Variants in ANKK1 observed in about 807,000 individuals in gnomAD.
ANKK1 encodes the protein ankyrin repeat and protein kinase domain-containing protein 1.
Under a neutral mutation model 37.6 loss-of-function variants are expected in ANKK1, and 37 were observed. The observed-to-expected ratio is 0.98, with a 90% CI of 0.76 to 1.29. The LOEUF (loss-of-function observed/expected upper bound fraction) is 1.29. ANKK1 is among the 50% of genes most tolerant of loss of function. The probability of loss-of-function intolerance (pLI) is 0.00; values close to 1 mark genes in which losing one functional copy is unlikely to be tolerated. For synonymous variants in ANKK1, 415 were observed against 418.7 expected (o/e 0.99, Z 0.11); for missense variants, 1,019 against 990.6 (o/e 1.03, Z -0.39).
chr11:113,399,903 T>C lies in ANKK1; in HGVS notation c.1934T>C (p.Leu645Pro). The change falls in exon 8 of 8, where the codon CTG becomes CCG. Residue 645 changes from leucine to proline, a missense_variant. By Grantham distance (98) the Leu-to-Pro change is moderately conservative. Coordinates refer to ENST00000303941, the MANE Select transcript of ANKK1 (RefSeq NM_178510.2). Reference sequence around the variant, plus strand: ...GGGGAGGAGGCGGTGGTGTCAGCACTGCTGCAGTGTGGGGCTGACCCCAAT... The same window carrying C: ...GGGGAGGAGGCGGTGGTGTCAGCACCGCTGCAGTGTGGGGCTGACCCCAAT... ...RHGEEAVVSA[L>P]LQCGADPNAA... 1 of 1,613,498 alleles carries C rather than the reference T, an allele frequency of 6.2e-7. No homozygotes were observed. Among genetic ancestry groups the C allele is most frequent in the Non-Finnish European group, 8.5e-7 (1 of 1,179,872 alleles).
rs371374955 is a variant in ANKK1, at chr11:113,400,088, A to G, written c.2119A>G (p.Ile707Val). Reference sequence around the variant, plus strand: ...GGCCGCCCTCAAGGGCAACACAGCCATCCTCAAAGTGCTGGTCGAGGCAGG... The same window carrying G: ...GGCCGCCCTCAAGGGCAACACAGCCGTCCTCAAAGTGCTGGTCGAGGCAGG... ...HLAALKGNTA[I>V]LKVLVEAGAQ... is the part of the protein sequence containing the mutation. Residue 707 changes from isoleucine to valine, a missense_variant, in exon 8 of 8, where the codon ATC (isoleucine) becomes GTC (valine). Transcript: ENST00000303941. 10 of 1,613,476 alleles carry G rather than the reference A, an allele frequency of 6.2e-6. No homozygotes were observed. In the Admixed American group the frequency reaches 6.7e-5, roughly 11 times the overall value.
rs114634738 is a variant in ANKK1 at position 113,390,250 on chromosome 11, G to T, written c.185+2181G>T. 5.0e-3 allele frequency among the ~76,000 whole-genome samples: 767 copies of T among 152,300 alleles called. 6 individuals are homozygous for T. Among genetic ancestry groups the T allele is most frequent in the African/African-American group, 0.018 (743 of 41,550 alleles). On this transcript the variant is annotated intron_variant, in intron 1 of 7. Transcript: ENST00000303941. ...GGTGTTCAATAAATATTTATTGAAT[G>T]GCAGTGTTGACAATTAATGGAGAGA...
intron 1 of ANKK1, among the ~76,000 whole-genome samples, chr11:113,389,050 C>A (rs1388238729): frequency 6.6e-6 from 1 of 152,186 alleles, no homozygotes; most frequent in South Asian, 2.1e-4. Flanking sequence ...GGCCTTCCCC[C>A]ACCTTATGAG....
intron 7 of ANKK1, among the ~76,000 whole-genome samples, chr11:113,398,427 C>T (rs1312418413): frequency 6.6e-6 from 1 of 151,488 alleles, no homozygotes; most frequent in Admixed American, 6.6e-5. Flanking sequence ...AATTCTCATA[C>T]TCCACTGGGT....
chr11:113,389,240 A>G (rs1255134793), intron 1 of ANKK1, among the ~76,000 whole-genome samples: 1 of 152,070 alleles, frequency 6.6e-6, no homozygotes, highest in Admixed American at 6.5e-5. Flanking sequence ...ATTGATGCTA[A>G]CTCCTGCCAC....
At chr11:113,393,907 G>GT in intron 2 of ANKK1, 132 bp downstream of exon 2, 1 of 1,143,146 alleles carries the variant, frequency 8.7e-7, no homozygotes, top group Non-Finnish European at 1.2e-6. Context: ...TCTAAAGGCA[G>GT]GGATCACACT....
At position 113,399,621 on chromosome 11, in the gene ANKK1, C is replaced by G; in HGVS notation, c.1652C>G (p.Ala551Gly). 2 of 1,606,486 alleles carry G rather than the reference C, an allele frequency of 1.2e-6. No individual in the cohort carries two copies. Among genetic ancestry groups the G allele is most frequent in the Non-Finnish European group, 1.7e-6 (2 of 1,176,638 alleles). Reference protein sequence around the residue: ...RAIQHLLKSGAVPDALDQSGY... With the variant: ...RAIQHLLKSGGVPDALDQSGY... ...ATCCAACACCTGCTGAAGAGTGGAG[C>G]GGTCCCTGATGCCCTTGACCAGAGC... The change falls in exon 8 of 8, where the codon GCG becomes GGG. Residue 551 changes from alanine (A) to glycine (G), a missense_variant. Physicochemically the swap from Ala to Gly is moderately conservative, Grantham distance 60. Transcript: ENST00000303941.
intron 1 of ANKK1, among the ~76,000 whole-genome samples, chr11:113,392,598 A>G (rs1950596447): frequency 6.6e-6 from 1 of 152,232 alleles, no homozygotes; most frequent in Admixed American, 6.5e-5. Flanking sequence ...CTGCAATCCC[A>G]AAATAATCTA....
chr11:113,399,385 CTT>C lies in ANKK1; in HGVS notation c.1418_1419del (p.Phe473Ter), dbSNP rs773796958. The C allele has an allele frequency of 2.5e-6, 4 of 1,601,348 alleles. No homozygotes were observed. Among genetic ancestry groups the C allele is most frequent in the Admixed American group, 3.4e-5 (2 of 58,524 alleles). ...CTCTTCACCTGGCTGCACAGAATAACTTTGAGAATGTGGCACGGCTTCTGGTC... is the reference window on the plus strand; with the variant it reads ...CTCTTCACCTGGCTGCACAGAATAACTGAGAATGTGGCACGGCTTCTGGTC... The part of the protein sequence containing the change: ...TPLHLAAQNN[F>X]ENVARLLVSR... On this transcript the variant is annotated frameshift_variant, in exon 8 of 8. Coordinates refer to ENST00000303941, the MANE Select transcript of ANKK1 (RefSeq NM_178510.2). LOFTEE classifies it low-confidence loss of function (END_TRUNC).
At chr11:113,393,330 A>C (rs571960455) in intron 1 of ANKK1, 151 bp from the exon 2 acceptor site, 120 of 762,152 alleles carry the variant, frequency 1.6e-4, no homozygotes, top group Non-Finnish European at 2.1e-4. Context: ...GTATTGCTTC[A>C]TGTCTCTCTT....
In ANKK1 at chr11:113,396,236, G is replaced by T; in HGVS notation, c.838+14G>T. On this transcript the variant is annotated intron_variant, in intron 5 of 7. Coordinates refer to ENST00000303941, the MANE Select transcript of ANKK1 (RefSeq NM_178510.2). ...CATGCTTTCTAGGTGCTTATCCAGT[G>T]CCCCCTACCCAGGGACTGGGAGCTG... 1 of 1,612,960 alleles carries T rather than the reference G, an allele frequency of 6.2e-7. No homozygotes were observed. Among genetic ancestry groups the T allele is most frequent in the Non-Finnish European group, 8.5e-7 (1 of 1,179,256 alleles).
rs748183613 is a variant in ANKK1, at chr11:113,387,945, T to C, written c.61T>C (p.Phe21Leu). The C allele has an allele frequency of 1.3e-6, 2 of 1,573,662 alleles. No homozygotes were observed. Among genetic ancestry groups the C allele is most frequent in the East Asian group, 2.3e-5 (1 of 42,860 alleles). Residue 21 changes from phenylalanine to leucine, a missense_variant, in exon 1 of 8, where the codon TTC (phenylalanine) becomes CTC (leucine). By Grantham distance (22) the Phe-to-Leu change is conservative. Coordinates refer to ENST00000303941, the MANE Select transcript of ANKK1 (RefSeq NM_178510.2). ...CCTCCCCGTCTTCACCCGCGACGAC[T>C]TCGAGGGCGACTGGCGCCTAGTGGC... ...GSLPVFTRDD[F>L]EGDWRLVASG...
intron 4 of ANKK1, 89 bp downstream of exon 4, chr11:113,395,497 G>C (rs1020588183): frequency 4.7e-5 from 67 of 1,427,024 alleles, no homozygotes; most frequent in South Asian, 3.7e-4. Flanking sequence ...TGAGGGTTGG[G>C]GGGGGTCAAG....
intron 6 of ANKK1, 24 bp downstream of exon 6, chr11:113,397,366 C>A: frequency 1.3e-6 from 2 of 1,590,938 alleles, no homozygotes; most frequent in South Asian, 1.1e-5. Flanking sequence ...CTGGGCAGTC[C>A]TTATGGTCAT....
In ANKK1 at chr11:113,393,891, A is replaced by G. The variant is rs912449475; in HGVS notation, c.480+116A>G. On this transcript the variant is annotated intron_variant, in intron 2 of 7. Transcript: ENST00000303941. ...GGGTTTTAAGCAGTTCCCTTCATGG[A>G]CAAATTCTAAAGGCAGGGATCACAC... is the stretch of plus-strand genomic sequence containing the variant. 6 of 1,249,490 alleles carry G rather than the reference A, an allele frequency of 4.8e-6. No homozygotes were observed. The Admixed American group carries it at 1.7e-4, about 35-fold the overall frequency. 77.4% of individuals were successfully genotyped at this position (1,249,490 alleles called of 1,614,324 possible).
At chr11:113,396,451 C>T (rs75698063) in intron 5 of ANKK1, among the ~76,000 whole-genome samples, 8,254 of 151,790 alleles carry the variant, frequency 0.054, 311 homozygotes, top group South Asian at 0.1. Flanking sequence ...GATATCCTCC[C>T]GCCTCAGCCT....
intron 3 of ANKK1, 25 bp downstream of exon 3, chr11:113,395,105 C>A: frequency 6.3e-7 from 1 of 1,577,266 alleles, no homozygotes; most frequent in Non-Finnish European, 8.6e-7. Flanking sequence ...TGGCGTGATG[C>A]CACACACCCA....
In ANKK1 at chr11:113,399,828, G is replaced by A; in HGVS notation, c.1859G>A (p.Gly620Asp). ...CTGGCAGAGAGCCACGCAAACATGG[G>A]TGCTCTTGGAGCTGTGAACTGGACT... Reference protein sequence around the residue: ...HLLAESHANMGALGAVNWTPL... With the variant: ...HLLAESHANMDALGAVNWTPL... The change falls in exon 8 of 8, where the codon GGT (glycine) becomes GAT (aspartate). Residue 620 changes from glycine to aspartate, a missense_variant. Coordinates refer to ENST00000303941, the MANE Select transcript of ANKK1 (RefSeq NM_178510.2). 2 of 1,608,502 alleles carry A rather than the reference G, an allele frequency of 1.2e-6. No homozygotes were observed. The highest frequency in any genetic ancestry group is 2.2e-5 in the South Asian group (2 of 90,290).
In ANKK1 at chr11:113,400,408, T is replaced by A; in HGVS notation, c.*141T>A. ...CCTGTCTCTGCTAAAAATACAAAAT[T>A]TAGCTGGGTATGGTGGCACGTGCCT... On this transcript the variant is annotated 3_prime_UTR_variant, in exon 8 of 8. Transcript: ENST00000303941. 1.1e-6 allele frequency: 1 copy of A among 899,438 alleles called. No individual in the cohort carries two copies. The highest frequency in any genetic ancestry group is 1.6e-6 in the Non-Finnish European group (1 of 613,996). 55.7% of individuals were successfully genotyped at this position (899,438 alleles called of 1,614,324 possible). A position where few individuals can be genotyped will look rare whatever the true frequency, so the allele number is the denominator to read the frequency against.
Sources: gnomAD v4.1 joint callset for allele counts (sites outside exome capture counted in the v4.1 genomes callset) on GRCh38, gnomAD v4.1.1 for gene constraint, MANE v1.5 for transcripts, NCBI Gene and HGNC (gene_info 2026-07-23, HGNC 2026-07-21) for gene names.